Variants in ITPR1 observed in about 807,000 individuals in gnomAD.
The protein encoded by ITPR1 is inositol 1,4,5-trisphosphate-gated calcium channel ITPR1.
ITPR1 carries 96 observed loss-of-function variants against 318.4 expected under a neutral mutation model. The ratio of observed to expected loss-of-function variants is 0.30; its 90% CI spans 0.26 to 0.36. The LOEUF is 0.36. Among genes scored for constraint, ITPR1 ranks in the 10% least tolerant of loss-of-function variants. The probability of loss-of-function intolerance (pLI) is 1.00; values close to 1 mark genes in which losing one functional copy is unlikely to be tolerated. For synonymous variants in ITPR1, 1,312 were observed against 1,289.9 expected (o/e 1.02, Z -0.37); for missense variants, 2,440 against 3,460.2 (o/e 0.71, Z 7.40).
At chr3:4,831,132 C>CACACACACAG (rs1553764809) in intron 60 of ITPR1, 1 of 322,604 alleles carries the variant, frequency 3.1e-6, no homozygotes, top group Non-Finnish European at 5.8e-6. Context: ...CTCTCTCTCT[C>CACACACACAG]ACACACACAC....
chr3:4,702,969 T>C lies in ITPR1; in HGVS notation c.4657+19T>C. 2 of 1,611,908 alleles carry C rather than the reference T, an allele frequency of 1.2e-6. No homozygotes were observed. The highest frequency in any genetic ancestry group is 1.1e-5 in the South Asian group (1 of 91,004). On this transcript the variant is annotated intron_variant, in intron 36 of 61. Transcript: ENST00000649015. ...GATGTAGGTAAGATACCAAGTCAGT[T>C]TGGATATACGTGATGAAAATGAATT...
chr3:4,795,712 T>C (rs2047855513), intron 53 of ITPR1, among the ~76,000 whole-genome samples: 1 of 152,252 alleles, frequency 6.6e-6, no homozygotes, highest in East Asian at 1.9e-4. Flanking sequence ...ATGTTTAGTC[T>C]ATTAAGAGGT....
At chr3:4,618,800 T>G (rs999118276) in intron 4 of ITPR1, among the ~76,000 whole-genome samples, 9 of 152,232 alleles carry the variant, frequency 5.9e-5, no homozygotes, top group Admixed American at 5.9e-4. Context: ...GGGACTTTCT[T>G]TCTCACATCT....
intron 43 of ITPR1, among the ~76,000 whole-genome samples, 196 bp from the exon 44 acceptor site, chr3:4,734,968 A>C (rs1450856070): frequency 5.9e-5 from 9 of 152,176 alleles, no homozygotes; most frequent in Non-Finnish European, 2.9e-5. Context: ...TGCTGCTGAC[A>C]AGCTGGGTGT....
chr3:4,540,900 T>C (rs1357228887), intron 4 of ITPR1, among the ~76,000 whole-genome samples: 2 of 152,148 alleles, frequency 1.3e-5, no homozygotes, highest in Non-Finnish European at 2.9e-5. Context: ...GTTTTTTTCA[T>C]TGTTGTTCTC....
At chr3:4,658,357 C>G in intron 13 of ITPR1, 79 bp downstream of exon 13, 2 of 1,193,640 alleles carry the variant, frequency 1.7e-6, no homozygotes, top group South Asian at 1.5e-5. Flanking sequence ...GAATCCAAAT[C>G]GTTACTGCCT....
chr3:4,833,550 C>T (rs2050668569), intron 60 of ITPR1, among the ~76,000 whole-genome samples: 1 of 152,228 alleles, frequency 6.6e-6, no homozygotes, highest in African/African-American at 2.4e-5. Context: ...CGACTGCTAG[C>T]AGTGAGGACT....
At chr3:4,846,044 TA>T in intron 61 of ITPR1, 94 bp from the exon 62 acceptor site, 1 of 697,434 alleles carries the variant, frequency 1.4e-6, no homozygotes, top group Non-Finnish European at 2.4e-6. Context: ...GGTTTCAGTA[TA>T]AACCATAACC....
chr3:4,547,692 T>A (rs1290300595), intron 4 of ITPR1, among the ~76,000 whole-genome samples: 1 of 152,198 alleles, frequency 6.6e-6, no homozygotes, highest in Non-Finnish European at 1.5e-5. Context: ...CGTAGGCACA[T>A]AAAAAGGTTG....
chr3:4,724,221 T>C (rs1032824046), intron 40 of ITPR1, among the ~76,000 whole-genome samples: 1 of 152,242 alleles, frequency 6.6e-6, no homozygotes, highest in African/African-American at 2.4e-5. Flanking sequence ...CAACCCTTGT[T>C]GTCTTTGCCG....
chr3:4,824,005 G>T (rs2049900037), intron 60 of ITPR1, among the ~76,000 whole-genome samples: 1 of 152,128 alleles, frequency 6.6e-6, no homozygotes, highest in Non-Finnish European at 1.5e-5. Context: ...TGCATATAAA[G>T]ACGGCCTGAT....
intron 5 of ITPR1, among the ~76,000 whole-genome samples, chr3:4,631,317 C>T (rs895236091): frequency 2.0e-5 from 3 of 152,136 alleles, no homozygotes; most frequent in African/African-American, 7.2e-5. Flanking sequence ...TTTACATTTC[C>T]CTTTTTGACC....
chr3:4,689,869 C>T (rs2094453625), intron 31 of ITPR1, among the ~76,000 whole-genome samples: 1 of 152,164 alleles, frequency 6.6e-6, no homozygotes, highest in Admixed American at 6.5e-5. Context: ...TTAAGAGCAT[C>T]CAAAGGGGAG....
chr3:4,509,137 A>G (rs2081611864), intron 2 of ITPR1, among the ~76,000 whole-genome samples: 2 of 152,202 alleles, frequency 1.3e-5, no homozygotes, highest in African/African-American at 4.8e-5. Flanking sequence ...ACTCCTCACA[A>G]TGACCCTGAG....
At chr3:4,702,498 A>AT (rs1388857312) in intron 35 of ITPR1, among the ~76,000 whole-genome samples, 3 of 152,242 alleles carry the variant, frequency 2.0e-5, no homozygotes, top group Admixed American at 6.5e-5. Flanking sequence ...GCCTAAAGTC[A>AT]TGCAGCTGCT....
intron 38 of ITPR1, chr3:4,711,509 C>G (rs919631594): frequency 1.7e-5 from 7 of 416,686 alleles, no homozygotes; most frequent in Non-Finnish European, 3.1e-5. Context: ...CATATAATCT[C>G]TCCATTGTAT....
chr3:4,576,978 C>T (rs2088733900), intron 4 of ITPR1, among the ~76,000 whole-genome samples: 1 of 152,138 alleles, frequency 6.6e-6, no homozygotes, highest in African/African-American at 2.4e-5. Flanking sequence ...GGCTAGACCC[C>T]GGGATCCTGC....
rs1269329596 is a variant in ITPR1, at chr3:4,611,954, A to G, written c.164-15809A>G. 2.6e-5 allele frequency among the ~76,000 whole-genome samples: 4 copies of G among 152,046 alleles called. No homozygotes were observed. The East Asian group carries it at 7.7e-4, about 29-fold the overall frequency. ...CATGTCTGAAGGTTCCAATCCACAGATTCAACCAACCTCAGGTCAAAAATA... is the reference window on the plus strand; with the variant it reads ...CATGTCTGAAGGTTCCAATCCACAGGTTCAACCAACCTCAGGTCAAAAATA... On this transcript the variant is annotated intron_variant, in intron 4 of 61. Transcript: ENST00000649015.
At chr3:4,650,443 G>T (rs973067166) in intron 10 of ITPR1, among the ~76,000 whole-genome samples, 7 of 152,046 alleles carry the variant, frequency 4.6e-5, no homozygotes, top group African/African-American at 1.5e-4. Flanking sequence ...TAAAGATTTT[G>T]ATCCATTGTC....
Sources: gnomAD v4.1 joint callset for allele counts (sites outside exome capture counted in the v4.1 genomes callset) on GRCh38, gnomAD v4.1.1 for gene constraint, MANE v1.5 for transcripts, NCBI Gene and HGNC (gene_info 2026-07-23, HGNC 2026-07-21) for gene names.